The following LRRTM3 variants were observed in gnomAD, a reference collection of about 807,000 sequenced individuals.
LRRTM3 encodes the protein leucine-rich repeat transmembrane neuronal protein 3.
In LRRTM3, 24 loss-of-function variants were observed where a neutral mutation model predicts 44.7. The observed-to-expected ratio is 0.54, with a 90% confidence interval of 0.39 to 0.76. The LOEUF (loss-of-function observed/expected upper bound fraction) is 0.76, where lower values mean the gene tolerates loss of function less well. Ranked by LOEUF, LRRTM3 falls within the 30% of genes least tolerant of loss-of-function variation. The probability of loss-of-function intolerance (pLI) is 0.00; values close to 1 mark genes in which losing one functional copy is unlikely to be tolerated. For missense variants in LRRTM3, 587 were observed against 702.2 expected (o/e 0.84, Z 1.85); for synonymous variants, 277 against 278.7 (o/e 0.99, Z 0.06).
chr10:67,075,071 C>T lies in LRRTM3; in HGVS notation c.1537-22516C>T, dbSNP rs181037261. Among the ~76,000 whole-genome samples the T allele has an allele frequency of 1.5e-3, 224 of 151,800 alleles. 1 individual carries two copies. Among genetic ancestry groups the T allele is most frequent in the African/African-American group, 5.3e-3 (219 of 41,400 alleles). ...CTAACAGTAAGTTTGTTTCCTAGAG[C>T]TGTTTGGTACCTGAACAATTCAGAT... On this transcript the variant is annotated intron_variant, in intron 2 of 2. Coordinates refer to ENST00000361320, the MANE Select transcript of LRRTM3 (RefSeq NM_178011.5).
At chr10:66,933,915 G>A (rs761009022) in intron 2 of LRRTM3, among the ~76,000 whole-genome samples, 2 of 152,094 alleles carry the variant, frequency 1.3e-5, no homozygotes, top group Non-Finnish European at 2.9e-5. Flanking sequence ...TGACAGCTGA[G>A]TTCCTATGGC....
chr10:66,948,253 A>G (rs1848373575), intron 2 of LRRTM3, among the ~76,000 whole-genome samples: 1 of 152,194 alleles, frequency 6.6e-6, no homozygotes, highest in African/African-American at 2.4e-5. Context: ...AAAACCTGGT[A>G]GTTGAGGCAT....
chr10:66,935,126 C>T (rs567414760), intron 2 of LRRTM3, among the ~76,000 whole-genome samples: 2 of 152,168 alleles, frequency 1.3e-5, no homozygotes, highest in East Asian at 3.9e-4. Context: ...CAACAGAGCC[C>T]TCATATTGAC....
chr10:67,010,791 A>G (rs1852275628), intron 2 of LRRTM3, among the ~76,000 whole-genome samples: 2 of 152,204 alleles, frequency 1.3e-5, no homozygotes, highest in Admixed American at 6.5e-5. Context: ...AAAGGATTTG[A>G]GCATATCCAT....
At chr10:66,957,469 T>C (rs1848884157) in intron 2 of LRRTM3, among the ~76,000 whole-genome samples, 1 of 144,516 alleles carries the variant, frequency 6.9e-6, no homozygotes, top group African/African-American at 2.5e-5. Context: ...TATATATATA[T>C]GTTTGATCCT....
chr10:66,997,448 A>T (rs1851418048), intron 2 of LRRTM3, among the ~76,000 whole-genome samples: 1 of 152,238 alleles, frequency 6.6e-6, no homozygotes, highest in Admixed American at 6.5e-5. Flanking sequence ...CTAACAACTG[A>T]TAAAACAATA....
chr10:66,963,845 ATT>A lies in LRRTM3; in HGVS notation c.1536+35408_1536+35409del, dbSNP rs56659477. On this transcript the variant is annotated intron_variant, in intron 2 of 2. Coordinates refer to ENST00000361320, the MANE Select transcript of LRRTM3 (RefSeq NM_178011.5). ...TTGTTTTATCAGTGCATAGACATCA[ATT>A]TTTTTTTTTTTTTTAAGATGGAGTC... Among the ~76,000 whole-genome samples the A allele has an allele frequency of 5.6e-3, 803 of 143,850 alleles. 16 individuals are homozygous for A. The East Asian group carries it at 0.07, about 13-fold the overall frequency. 94.4% of individuals were successfully genotyped at this position (143,850 alleles called of 152,430 possible).
At chr10:67,092,051 T>G (rs1857676112) in intron 2 of LRRTM3, among the ~76,000 whole-genome samples, 1 of 150,578 alleles carries the variant, frequency 6.6e-6, no homozygotes, top group Admixed American at 6.7e-5. Context: ...GCCTCTGAAT[T>G]TCAAGATAAA....
rs148320707 is a variant in LRRTM3 at position 67,076,334 on chromosome 10, G to A, written c.1537-21253G>A. On this transcript the variant is annotated intron_variant, in intron 2 of 2. Transcript: ENST00000361320. Reference sequence around the variant, plus strand: ...CTTCAGTCCTCTCCTCAAAATATGAGTAATCATGATCCAGTAGGGCTGGCA... The same window carrying A: ...CTTCAGTCCTCTCCTCAAAATATGAATAATCATGATCCAGTAGGGCTGGCA... 3.0e-3 allele frequency among the ~76,000 whole-genome samples: 453 copies of A among 152,318 alleles called. 3 individuals are homozygous for A. Among genetic ancestry groups the A allele is most frequent in the African/African-American group, 0.01 (434 of 41,576 alleles).
chr10:66,962,052 T>C (rs1849138311), intron 2 of LRRTM3, among the ~76,000 whole-genome samples: 1 of 152,162 alleles, frequency 6.6e-6, no homozygotes, highest in Admixed American at 6.5e-5. Flanking sequence ...CCGTTATTCC[T>C]GTCTTGGTTT....
chr10:66,989,566 T>C (rs56408036), intron 2 of LRRTM3, among the ~76,000 whole-genome samples: 11,288 of 152,250 alleles, frequency 0.074, 580 homozygotes, highest in African/African-American at 0.13. Context: ...CAAATATCCA[T>C]GTTAGCTAAC....
rs932037814 is a variant in LRRTM3 at position 67,005,884 on chromosome 10, C to T, written c.1536+77432C>T. Among the ~76,000 whole-genome samples, 6 of 151,550 alleles carry T rather than the reference C, an allele frequency of 4.0e-5. No individual in the cohort carries two copies. In the South Asian group the frequency reaches 1.3e-3, roughly 32 times the overall value. ...TATTTTTAGTAGAGGCAGGGTATCA[C>T]CATGTTGGCTAGGCTGGTCTCAAAC... On this transcript the variant is annotated intron_variant, in intron 2 of 2. Transcript: ENST00000361320.
chr10:67,009,909 C>T lies in LRRTM3; in HGVS notation c.1536+81457C>T, dbSNP rs569556814. Among the ~76,000 whole-genome samples, 7 of 152,272 alleles carry T rather than the reference C, an allele frequency of 4.6e-5. No homozygotes were observed. In the South Asian group the frequency reaches 1.5e-3, roughly 32 times the overall value. ...TGTCTCTTCTTCCTTCTTCACTCCT[C>T]TTCATCTCTGGCATTCTCTGGTTCT... On this transcript the variant is annotated intron_variant, in intron 2 of 2. Coordinates refer to ENST00000361320, the MANE Select transcript of LRRTM3 (RefSeq NM_178011.5).
At chr10:67,084,241 A>T (rs1396083117) in intron 2 of LRRTM3, among the ~76,000 whole-genome samples, 1 of 152,024 alleles carries the variant, frequency 6.6e-6, no homozygotes, top group Non-Finnish European at 1.5e-5. Flanking sequence ...AGTTATCCTC[A>T]AATGGTTGGC....
chr10:66,996,411 C>A (rs558196142), intron 2 of LRRTM3, among the ~76,000 whole-genome samples: 1 of 151,868 alleles, frequency 6.6e-6, no homozygotes, highest in Non-Finnish European at 1.5e-5. Context: ...TTTGGGAGGC[C>A]GAGACGGGCA....
chr10:67,030,965 C>T (rs190959613), intron 2 of LRRTM3, among the ~76,000 whole-genome samples: 8 of 152,220 alleles, frequency 5.3e-5, no homozygotes, highest in Non-Finnish European at 2.9e-5. Context: ...GATTGCATCG[C>T]TGCACTCCAG....
chr10:67,034,782 A>G (rs913040712), intron 2 of LRRTM3, among the ~76,000 whole-genome samples: 5 of 152,336 alleles, frequency 3.3e-5, no homozygotes, highest in Middle Eastern at 3.4e-3. Context: ...AATACTGTTT[A>G]CAATTTGACC....
chr10:66,970,684 T>C (rs1448011164), intron 2 of LRRTM3, among the ~76,000 whole-genome samples: 1 of 152,130 alleles, frequency 6.6e-6, no homozygotes, highest in Admixed American at 6.5e-5. Flanking sequence ...TGACACTATT[T>C]TCACATAGCC....
At chr10:67,090,314 C>T (rs1364871096) in intron 2 of LRRTM3, among the ~76,000 whole-genome samples, 6 of 152,098 alleles carry the variant, frequency 3.9e-5, no homozygotes, top group East Asian at 1.9e-4. Context: ...TCATAAACTA[C>T]GTTTCTTTCC....
Sources: gnomAD v4.1 joint callset for allele counts (sites outside exome capture counted in the v4.1 genomes callset) on GRCh38, gnomAD v4.1.1 for gene constraint, MANE v1.5 for transcripts, NCBI Gene and HGNC (gene_info 2026-07-23, HGNC 2026-07-21) for gene names.